WDR49: variants seen among roughly 807,000 people sequenced by gnomAD.
WDR49 encodes the protein WD repeat domain 49, also known as cilia- and flagella-associated protein 337.
WDR49 carries 107 observed loss-of-function variants against 119.5 expected under a neutral mutation model. The ratio of observed to expected loss-of-function variants is 0.90; its 90% CI spans 0.77 to 1.05. WDR49 has a LOEUF of 1.05. Among genes scored for constraint, WDR49 ranks in the 50% least tolerant of loss-of-function variants. The probability of loss-of-function intolerance (pLI) is 0.00; values close to 1 mark genes in which losing one functional copy is unlikely to be tolerated. For missense variants in WDR49, 1,240 were observed against 1,220.5 expected (o/e 1.02, Z -0.24); for synonymous variants, 425 against 418.8 (o/e 1.01, Z -0.18).
chr3:167,622,124 T>C (rs919515312), intron 3 of WDR49, among the ~76,000 whole-genome samples: 1 of 152,090 alleles, frequency 6.6e-6, no homozygotes, highest in Non-Finnish European at 1.5e-5. Context: ...AACATAAAAA[T>C]AAGTCAATAG....
chr3:167,547,144 T>G (rs1173204933), intron 10 of WDR49, among the ~76,000 whole-genome samples: 1 of 151,908 alleles, frequency 6.6e-6, no homozygotes, highest in African/African-American at 2.4e-5. Flanking sequence ...ATCCTAATAA[T>G]GGAAACCAAT....
chr3:167,614,641 A>G (rs1195255973), intron 5 of WDR49, among the ~76,000 whole-genome samples: 1 of 152,260 alleles, frequency 6.6e-6, no homozygotes, highest in African/African-American at 2.4e-5. Context: ...AGTTTTAAAT[A>G]AGAAATCTGA....
chr3:167,498,551 T>G (rs1352848840), intron 18 of WDR49, among the ~76,000 whole-genome samples: 1 of 152,040 alleles, frequency 6.6e-6, no homozygotes, highest in African/African-American at 2.4e-5. Flanking sequence ...GGACAAAGTT[T>G]CTCTGTGCTC....
chr3:167,558,778 AC>A (rs1713096958), intron 9 of WDR49, among the ~76,000 whole-genome samples: 1 of 152,158 alleles, frequency 6.6e-6, no homozygotes. Flanking sequence ...TAGATTCTAT[AC>A]CCAGTTACTT....
In WDR49 at chr3:167,589,497, G is replaced by A. The variant is rs139318950; in HGVS notation, c.1275+12630C>T. 5.3e-3 allele frequency among the ~76,000 whole-genome samples: 799 copies of A among 152,152 alleles called. 2 individuals carry two copies. Among genetic ancestry groups the A allele is most frequent in the Non-Finnish European group, 8.4e-3 (572 of 67,938 alleles). On this transcript the variant is annotated intron_variant, in intron 7 of 18. Transcript: ENST00000682715. ...AGAATGTCATTGGTATTTTGATAGG[G>A]ATTGCATTAAATCTGTATATTGCTT...
intron 10 of WDR49, among the ~76,000 whole-genome samples, chr3:167,548,930 A>C (rs1232033440): frequency 6.6e-6 from 1 of 152,094 alleles, no homozygotes; most frequent in African/African-American, 2.4e-5. Context: ...CCTATGAGTG[A>C]GAACATGCAG....
intron 2 of WDR49, among the ~76,000 whole-genome samples, chr3:167,641,158 T>C (rs796768726): frequency 4.6e-5 from 7 of 151,994 alleles, no homozygotes; most frequent in African/African-American, 1.7e-4. Flanking sequence ...TCCAATATTA[T>C]GGCATAAGGG....
At chr3:167,607,958 A>T (rs1716144116) in intron 5 of WDR49, among the ~76,000 whole-genome samples, 1 of 152,198 alleles carries the variant, frequency 6.6e-6, no homozygotes, top group Non-Finnish European at 1.5e-5. Flanking sequence ...GAAAAAAGGA[A>T]AGAAGGGAGG....
rs746577359 is a variant in WDR49, at chr3:167,527,942, C to T, written c.2482G>A (p.Asp828Asn). The change falls in exon 15 of 19, where the codon GAC becomes AAC. Residue 828 changes from aspartate (D) to asparagine (N), a missense_variant. Physicochemically the swap from Asp to Asn is conservative, Grantham distance 23. Transcript: ENST00000682715. ...CACATCTCTAAGGAACTTATTCGGTCCTCATGAGGTTGGAATGATCTTATC... is the reference window on the plus strand; with the variant it reads ...CACATCTCTAAGGAACTTATTCGGTTCTCATGAGGTTGGAATGATCTTATC... Reference protein sequence around the residue: ...TLIRSFQPHEDRISSLEMCEP... With the variant: ...TLIRSFQPHENRISSLEMCEP... The T allele has an allele frequency of 4.5e-5, 72 of 1,613,140 alleles. No individual in the cohort carries two copies. The highest frequency in any genetic ancestry group is 5.8e-5 in the Non-Finnish European group (69 of 1,179,596).
chr3:167,524,753 C>T (rs572652497), intron 15 of WDR49, among the ~76,000 whole-genome samples: 38 of 152,110 alleles, frequency 2.5e-4, no homozygotes, highest in Non-Finnish European at 4.4e-4. Context: ...CTGTTCTATT[C>T]CATTGGTCTC....
At chr3:167,525,127 T>A (rs979106963) in intron 15 of WDR49, among the ~76,000 whole-genome samples, 1 of 152,128 alleles carries the variant, frequency 6.6e-6, no homozygotes, top group African/African-American at 2.4e-5. Context: ...TTCATGTCCC[T>A]TGTAAGTTGT....
At chr3:167,598,452 T>C (rs1466802664) in intron 7 of WDR49, among the ~76,000 whole-genome samples, 1 of 152,152 alleles carries the variant, frequency 6.6e-6, no homozygotes, top group Non-Finnish European at 1.5e-5. Flanking sequence ...AGGGAGGTGA[T>C]TCGATCATTG....
At chr3:167,633,088 CGTGTGTGTGT>C (rs3061397) in intron 2 of WDR49, among the ~76,000 whole-genome samples, 2 of 146,986 alleles carry the variant, frequency 1.4e-5, no homozygotes, top group East Asian at 2.0e-4. Context: ...TAGCCAAACT[CGTGTGTGTGT>C]GTGTGTGTGT....
At chr3:167,651,719 C>T (rs542324308) in intron 2 of WDR49, among the ~76,000 whole-genome samples, 1 of 152,080 alleles carries the variant, frequency 6.6e-6, no homozygotes, top group South Asian at 2.1e-4. Context: ...GCTTTTCCAA[C>T]CGGTAATGTC....
chr3:167,524,510 G>GT (rs1181942114), intron 15 of WDR49, among the ~76,000 whole-genome samples: 2 of 152,076 alleles, frequency 1.3e-5, no homozygotes, highest in African/African-American at 4.8e-5. Context: ...TTTTGCCTAG[G>GT]TTTTCTTCTA....
intron 18 of WDR49, among the ~76,000 whole-genome samples, chr3:167,498,285 A>T (rs1287791091): frequency 6.6e-6 from 1 of 152,184 alleles, no homozygotes; most frequent in African/African-American, 2.4e-5. Flanking sequence ...AGCTTATTGA[A>T]GTAAATTGAA....
In WDR49 at chr3:167,604,383, T is replaced by G; in HGVS notation, c.1044A>C (p.Ser348=). 1 of 1,613,844 alleles carries G rather than the reference T, an allele frequency of 6.2e-7. No individual in the cohort carries two copies. Among genetic ancestry groups the G allele is most frequent in the Non-Finnish European group, 8.5e-7 (1 of 1,179,876 alleles). ...NSVVMAWREK[S]KKRLNMTSFN... ...AGGATGTCATATTAAGACGCTTTTT[T>G]GATTTCTCTCTCCAAGCCATCACCA... is the stretch of plus-strand genomic sequence containing the variant. Residue 348 remains serine (S), a synonymous_variant, in exon 6 of 19, where the codon TCA becomes TCC. Coordinates refer to ENST00000682715, the MANE Select transcript of WDR49 (RefSeq NM_001366157.1).
At chr3:167,540,440 A>G (rs1372455494) in intron 10 of WDR49, among the ~76,000 whole-genome samples, 1 of 152,128 alleles carries the variant, frequency 6.6e-6, no homozygotes, top group African/African-American at 2.4e-5. Flanking sequence ...AAGAGCAGTA[A>G]CAATCACTCC....
intron 6 of WDR49, among the ~76,000 whole-genome samples, chr3:167,603,046 C>A (rs1235817608): frequency 1.3e-5 from 2 of 152,140 alleles, no homozygotes; most frequent in Admixed American, 1.3e-4. Flanking sequence ...CTATCCCCAT[C>A]ATTAAGCAAT....
Sources: allele counts gnomAD v4.1 joint callset (sites outside exome capture counted in the v4.1 genomes callset), GRCh38; gene constraint gnomAD v4.1.1; transcripts MANE v1.5; gene names NCBI Gene and HGNC (gene_info 2026-07-23, HGNC 2026-07-21).